Variants in PIGU observed in about 807,000 individuals in gnomAD.
The protein encoded by PIGU is phosphatidylinositol glycan anchor biosynthesis class U.
A neutral mutation model predicts 49.9 loss-of-function variants in PIGU; 24 were observed. The ratio of observed to expected loss-of-function variants is 0.48; its 90% CI spans 0.35 to 0.68. PIGU has a LOEUF of 0.68. Ranked by LOEUF, PIGU falls within the 30% of genes least tolerant of loss-of-function variation. The probability of loss-of-function intolerance (pLI) is 0.01; values close to 1 mark genes in which losing one functional copy is unlikely to be tolerated. For missense variants in PIGU, 490 were observed against 532.6 expected (o/e 0.92, Z 0.79); for synonymous variants, 220 against 205.7 (o/e 1.07, Z -0.59).
intron 6 of PIGU, 87 bp from the exon 7 acceptor site, chr20:34,616,226 A>G (rs1985001609): frequency 2.1e-6 from 3 of 1,424,430 alleles, no homozygotes; most frequent in South Asian, 1.3e-5. Flanking sequence ...AAAACTTTCC[A>G]TAACTGCTCA....
chr20:34,667,182 A>C (rs6088565), intron 1 of PIGU, among the ~76,000 whole-genome samples: 46,200 of 151,990 alleles, frequency 0.3, 8,893 homozygotes, highest in Admixed American at 0.52. Context: ...CCTATGGGTG[A>C]TAATAAAAGC....
chr20:34,669,385 A>T (rs1046832971), intron 1 of PIGU, among the ~76,000 whole-genome samples: 2 of 152,100 alleles, frequency 1.3e-5, no homozygotes, highest in South Asian at 4.1e-4. Flanking sequence ...GCTAAAAAAC[A>T]GGCTGGTGCA....
intron 2 of PIGU, 140 bp from the exon 3 acceptor site, chr20:34,645,474 G>A (rs1278638180): frequency 1.2e-5 from 15 of 1,200,306 alleles, no homozygotes; most frequent in African/African-American, 1.6e-5. Context: ...ACTGTTCTAC[G>A]CCAGCTGGCC....
In PIGU at chr20:34,560,981, T is replaced by TG. The variant is rs757562636; in HGVS notation, c.1195-3dup. Reference sequence around the variant, plus strand: ...GAAGTAATCAGAGATGAGCAGGATCTGGGGGGAGAGAGAGGGTGTGAGGCG... The same window carrying TG: ...GAAGTAATCAGAGATGAGCAGGATCTGGGGGGGAGAGAGAGGGTGTGAGGCG... On this transcript the variant is annotated splice_polypyrimidine_tract_variant and splice_region_variant and intron_variant, in intron 11 of 11. Coordinates refer to ENST00000217446, the MANE Select transcript of PIGU (RefSeq NM_080476.5). 5.0e-6 allele frequency: 8 copies of TG among 1,595,466 alleles called. No homozygotes were observed. Among genetic ancestry groups the TG allele is most frequent in the South Asian group, 1.1e-5 (1 of 90,536 alleles).
chr20:34,642,742 G>GT (rs1986207946), intron 4 of PIGU, among the ~76,000 whole-genome samples: 2 of 109,050 alleles, frequency 1.8e-5, no homozygotes, highest in African/African-American at 3.5e-5. Context: ...TTTTTCCCTA[G>GT]TCTTTTTTTT....
intron 7 of PIGU, among the ~76,000 whole-genome samples, chr20:34,588,960 G>A (rs1170384510): frequency 3.3e-5 from 5 of 152,098 alleles, no homozygotes; most frequent in African/African-American, 1.2e-4. Flanking sequence ...TATTTGCCAG[G>A]TTAAATGAAT....
chr20:34,606,199 G>GAGCCGAGATTGCACCACTGTACTCC (rs1265363692), intron 7 of PIGU, among the ~76,000 whole-genome samples: 1 of 147,784 alleles, frequency 6.8e-6, no homozygotes, highest in Non-Finnish European at 1.5e-5. Flanking sequence ...AGGTTGCAGT[G>GAGCCGAGATTGCACCACTGTACTCC]AGCCGAGATT....
chr20:34,608,534 G>A (rs116400128), intron 7 of PIGU, among the ~76,000 whole-genome samples: 2 of 151,502 alleles, frequency 1.3e-5, no homozygotes, highest in African/African-American at 4.9e-5. Flanking sequence ...GCTTTTTTTT[G>A]TTGTTGTAAC....
intron 2 of PIGU, among the ~76,000 whole-genome samples, chr20:34,650,698 CTCTTTT>C (rs1986508391): frequency 1.1e-4 from 5 of 43,950 alleles, no homozygotes; most frequent in African/African-American, 4.0e-4. Context: ...TTCTTTTTTT[CTCTTTT>C]TTTTTTTTTT....
At chr20:34,605,285 C>T (rs539002850) in intron 7 of PIGU, among the ~76,000 whole-genome samples, 45 of 152,270 alleles carry the variant, frequency 3.0e-4, no homozygotes, top group Non-Finnish European at 4.9e-4. Context: ...AGCATCCCCT[C>T]CCTTTGATCT....
chr20:34,597,079 C>CTAGTGG (rs1348202962), intron 7 of PIGU, among the ~76,000 whole-genome samples: 1 of 152,148 alleles, frequency 6.6e-6, no homozygotes, highest in Non-Finnish European at 1.5e-5. Flanking sequence ...GAAAAACTGT[C>CTAGTGG]TAGTGGATTC....
chr20:34,658,747 C>T (rs901739014), intron 1 of PIGU, among the ~76,000 whole-genome samples: 8 of 151,552 alleles, frequency 5.3e-5, no homozygotes, highest in Non-Finnish European at 1.0e-4. Flanking sequence ...TGAGGAGCCC[C>T]TCCGCCCGGC....
At chr20:34,602,594 C>A (rs1033397587) in intron 7 of PIGU, among the ~76,000 whole-genome samples, 2 of 151,984 alleles carry the variant, frequency 1.3e-5, no homozygotes, top group African/African-American at 4.8e-5. Context: ...AAGACTCCAT[C>A]TTAAAAAACA....
intron 7 of PIGU, among the ~76,000 whole-genome samples, chr20:34,604,689 G>T (rs1984549101): frequency 6.6e-6 from 1 of 152,074 alleles, no homozygotes; most frequent in Admixed American, 6.6e-5. Flanking sequence ...GAAGGCTTGG[G>T]GAAGGACCCG....
intron 4 of PIGU, among the ~76,000 whole-genome samples, chr20:34,639,946 A>G (rs888770271): frequency 3.9e-5 from 6 of 152,224 alleles, no homozygotes; most frequent in Non-Finnish European, 8.8e-5. Flanking sequence ...CAGCTGCAGC[A>G]GTGGTAGCAG....
chr20:34,576,020 C>T (rs1983219147), intron 10 of PIGU, among the ~76,000 whole-genome samples: 1 of 152,136 alleles, frequency 6.6e-6, no homozygotes, highest in Admixed American at 6.5e-5. Context: ...TAGCAAGTTT[C>T]TCTAGACCTC....
intron 7 of PIGU, among the ~76,000 whole-genome samples, chr20:34,595,042 G>T (rs1260353791): frequency 7.5e-6 from 1 of 134,038 alleles, no homozygotes; most frequent in East Asian, 2.2e-4. Flanking sequence ...CTTGCAGTGA[G>T]CCGAGATCGC....
At chr20:34,661,673 A>G (rs1441210050) in intron 1 of PIGU, among the ~76,000 whole-genome samples, 1 of 152,086 alleles carries the variant, frequency 6.6e-6, no homozygotes, top group East Asian at 1.9e-4. Flanking sequence ...GCTGTGATGA[A>G]CATACACATG....
At chr20:34,626,298 C>G (rs1453029460) in intron 6 of PIGU, among the ~76,000 whole-genome samples, 1 of 144,122 alleles carries the variant, frequency 6.9e-6, no homozygotes, top group South Asian at 2.1e-4. Context: ...TTTTAAAACT[C>G]CAAACTTTTT....
Sources: allele counts gnomAD v4.1 joint callset (sites outside exome capture counted in the v4.1 genomes callset), GRCh38; gene constraint gnomAD v4.1.1; transcripts MANE v1.5; gene names NCBI Gene and HGNC (gene_info 2026-07-23, HGNC 2026-07-21).